Variants in KTN1 observed in about 807,000 individuals in gnomAD.
The protein encoded by KTN1 is kinectin.
KTN1 carries 130 observed loss-of-function variants against 222.5 expected under a neutral mutation model. That is an observed-to-expected ratio of 0.58 (90% CI 0.51 to 0.68). The LOEUF is 0.68. KTN1 is among the 30% of genes least tolerant of loss of function. KTN1 has a pLI of 0.00. For synonymous variants in KTN1, 512 were observed against 496.3 expected, an observed-to-expected ratio of 1.03 and a Z score of -0.42; for missense variants, 1,508 against 1,500.4, an observed-to-expected ratio of 1.01 and a Z score of -0.08.
chr14:55,594,815 A>G (rs2034753557), intron 1 of KTN1, among the ~76,000 whole-genome samples: 1 of 152,262 alleles, frequency 6.6e-6, no homozygotes, highest in Non-Finnish European at 1.5e-5. Flanking sequence ...ATGTAGTATA[A>G]TGAAGGCTAA....
chr14:55,618,981 T>C (rs1368964211), intron 4 of KTN1, among the ~76,000 whole-genome samples: 1 of 152,232 alleles, frequency 6.6e-6, no homozygotes, highest in Non-Finnish European at 1.5e-5. Context: ...TTAGCTAATG[T>C]AATTATTCCG....
At chr14:55,595,920 C>T (rs993282105) in intron 1 of KTN1, among the ~76,000 whole-genome samples, 17 of 151,804 alleles carry the variant, frequency 1.1e-4, no homozygotes, top group East Asian at 1.9e-4. Context: ...TTTGGGAGGC[C>T]GAGGTGGGCG....
intron 41 of KTN1, 82 bp downstream of exon 41, chr14:55,676,000 C>T (rs2045863795): frequency 2.3e-6 from 2 of 881,282 alleles, no homozygotes; most frequent in African/African-American, 1.7e-5. Context: ...GCTGCTAATT[C>T]TGGATTTGTT....
chr14:55,659,676 T>A lies in KTN1; in HGVS notation c.2972T>A (p.Phe991Tyr). The change falls in exon 31 of 44, where the codon TTT becomes TAT. Residue 991 changes from phenylalanine (F) to tyrosine (Y), a missense_variant. Physicochemically the swap from Phe to Tyr is conservative, Grantham distance 22. Coordinates refer to ENST00000395314, the MANE Select transcript of KTN1 (RefSeq NM_001079521.2). ...TAACTCTTTTGATAGGCATCTTCTT[T>A]TCCCCCTCATGAAGAATTATTAAAA... ...KQQNYQQASS[F>Y]PPHEELLKVI... 1.3e-6 allele frequency: 2 copies of A among 1,500,290 alleles called. No homozygotes were observed. Among genetic ancestry groups the A allele is most frequent in the Non-Finnish European group, 9.3e-7 (1 of 1,077,874 alleles). The allele number at this position is 1,500,290 out of a possible 1,614,324, so 92.9% of individuals were successfully genotyped here.
rs746853824 is a variant in KTN1 at position 55,672,920 on chromosome 14, C to T, written c.3604-9C>T. The T allele has an allele frequency of 6.2e-7, 1 of 1,606,804 alleles. No individual in the cohort carries two copies. The highest frequency in any genetic ancestry group is 1.7e-5 in the Admixed American group (1 of 59,670). ...AAGTGTGTTAACTTTTCCTTTGTTG[C>T]ATTGCTAGCTGAGAAGAGAACGAGA... On this transcript the variant is annotated splice_polypyrimidine_tract_variant and intron_variant, in intron 38 of 43. Transcript: ENST00000395314.
intron 1 of KTN1, among the ~76,000 whole-genome samples, chr14:55,593,151 T>C (rs542066763): frequency 1.3e-4 from 20 of 152,242 alleles, no homozygotes; most frequent in African/African-American, 3.9e-4. Context: ...ATCACCTGTT[T>C]CAATTCTCTT....
In KTN1 at chr14:55,640,410, G is replaced by T. The variant is rs754753899; in HGVS notation, c.1951G>T (p.Val651Leu). ...QNMNFLLKAEVQKLQALANEQ... is the reference protein window; with the variant it reads ...QNMNFLLKAELQKLQALANEQ... ...TATGAATTTCTTATTAAAAGCTGAA[G>T]TGCAGAAATTACAGGCCCTGGCAAA... Residue 651 changes from valine (V) to leucine (L), a missense_variant, in exon 15 of 44, where the codon GTG becomes TTG. Val to Leu is a conservative substitution (Grantham distance 32). Transcript: ENST00000395314. 1.2e-5 allele frequency: 19 copies of T among 1,607,854 alleles called. No homozygotes were observed. The South Asian group carries it at 2.1e-4, about 18-fold the overall frequency.
chr14:55,678,260 C>T (rs1343608655), intron 41 of KTN1, 92 bp from the exon 42 acceptor site: 1 of 791,260 alleles, frequency 1.3e-6, no homozygotes, highest in East Asian at 2.6e-5. Flanking sequence ...TTGAGAGGAG[C>T]TTTTATCTTC....
intron 11 of KTN1, 141 bp downstream of exon 11, chr14:55,637,505 T>C: frequency 4.2e-6 from 3 of 707,632 alleles, no homozygotes; most frequent in South Asian, 2.4e-5. Flanking sequence ...TTTTGAGCAC[T>C]TGTCACAATA....
At chr14:55,629,059 A>AT (rs1017385488) in intron 6 of KTN1, among the ~76,000 whole-genome samples, 2 of 152,206 alleles carry the variant, frequency 1.3e-5, no homozygotes, top group African/African-American at 4.8e-5. Flanking sequence ...ATGTACTTTG[A>AT]TAATTAATAT....
chr14:55,610,519 A>G (rs563729406), intron 1 of KTN1, among the ~76,000 whole-genome samples: 45 of 152,294 alleles, frequency 3.0e-4, no homozygotes, highest in African/African-American at 9.6e-4. Flanking sequence ...TTTAGGTAGA[A>G]TTTGGTTTCT....
chr14:55,657,848 A>C (rs192216533), intron 29 of KTN1, among the ~76,000 whole-genome samples: 97 of 152,262 alleles, frequency 6.4e-4, no homozygotes, highest in African/African-American at 2.2e-3. Context: ...CGGGAGGCAG[A>C]GGCTGCAGTG....
chr14:55,664,310 G>T (rs2044464666), intron 33 of KTN1, among the ~76,000 whole-genome samples: 1 of 152,100 alleles, frequency 6.6e-6, no homozygotes, highest in African/African-American at 2.4e-5. Context: ...TTAACCTCTT[G>T]TCAGACAATA....
intron 2 of KTN1, among the ~76,000 whole-genome samples, chr14:55,615,837 TC>T (rs1302037477): frequency 9.2e-5 from 14 of 151,592 alleles, no homozygotes; most frequent in African/African-American, 2.9e-4. Context: ...TTCCCTTCCT[TC>T]TTTTCCTTCC....
intron 29 of KTN1, 35 bp downstream of exon 29, chr14:55,656,167 A>G: frequency 7.2e-7 from 1 of 1,393,230 alleles, no homozygotes; most frequent in Non-Finnish European, 1.0e-6. Context: ...TTATTTTGTA[A>G]ATTATTGTCT....
intron 18 of KTN1, chr14:55,644,440 C>T: frequency 1.4e-6 from 1 of 701,910 alleles, no homozygotes; most frequent in Non-Finnish European, 2.6e-6. Flanking sequence ...ACAACAGGTA[C>T]CAAGTAAGTT....
rs781761370 is a variant in KTN1, at chr14:55,659,702, G to T, written c.2998G>T (p.Val1000Leu). The change falls in exon 31 of 44, where the codon GTA becomes TTA. Residue 1000 changes from valine to leucine, a missense_variant and splice_region_variant. By Grantham distance (32) the Val-to-Leu change is conservative. Transcript: ENST00000395314. ...TCCCCCTCATGAAGAATTATTAAAA[G>T]TGTAAGTAATAAGTTTGAGTCACAG... ...SFPPHEELLK[V>L]ISEREKEISG... 7.5e-6 allele frequency: 11 copies of T among 1,466,224 alleles called. No individual in the cohort carries two copies. Among genetic ancestry groups the T allele is most frequent in the Non-Finnish European group, 1.1e-5 (11 of 1,047,398 alleles). 90.8% of individuals were successfully genotyped at this position (1,466,224 alleles called of 1,614,324 possible).
At chr14:55,634,505 T>G in intron 8 of KTN1, 21 bp from the exon 9 acceptor site, 1 of 1,590,888 alleles carries the variant, frequency 6.3e-7, no homozygotes, top group Non-Finnish European at 8.5e-7. Context: ...GGAAGGCTCC[T>G]AATCCAGTTA....
intron 27 of KTN1, 137 bp from the exon 28 acceptor site, chr14:55,653,422 T>C: frequency 4.7e-6 from 3 of 644,850 alleles, no homozygotes; most frequent in Non-Finnish European, 5.3e-6. Context: ...CCTTGCTTTA[T>C]AAATGACCCA....
Sources: gnomAD v4.1 joint callset for allele counts (sites outside exome capture counted in the v4.1 genomes callset) on GRCh38, gnomAD v4.1.1 for gene constraint, MANE v1.5 for transcripts, NCBI Gene and HGNC (gene_info 2026-07-23, HGNC 2026-07-21) for gene names.